Variants in PCDHGA11 observed in about 807,000 individuals in gnomAD.
PCDHGA11 encodes protocadherin gamma subfamily A, 11.
A neutral mutation model predicts 60.4 loss-of-function variants in PCDHGA11; 39 were observed. The ratio of observed to expected loss-of-function variants is 0.65; its 90% CI spans 0.50 to 0.84. The LOEUF is 0.84. Ranked by LOEUF, PCDHGA11 falls within the 40% of genes least tolerant of loss-of-function variation. PCDHGA11 has a pLI of 0.00. For missense variants in PCDHGA11, 1,165 were observed against 1,197.7 expected (o/e 0.97, Z 0.40); for synonymous variants, 533 against 510.3 (o/e 1.04, Z -0.60).
intron 1 of PCDHGA11, among the ~76,000 whole-genome samples, chr5:141,444,732 A>G (rs2098445644): frequency 6.6e-6 from 1 of 152,194 alleles, no homozygotes; most frequent in Admixed American, 6.6e-5. Context: ...CTTTGTTGAA[A>G]GTCATTTCAC....
intron 2 of PCDHGA11, among the ~76,000 whole-genome samples, chr5:141,500,774 A>G (rs1479931234): frequency 6.6e-6 from 1 of 152,188 alleles, no homozygotes; most frequent in Non-Finnish European, 1.5e-5. Context: ...TCTTATGAAT[A>G]TACATATTAT....
In PCDHGA11 at chr5:141,491,727, G is replaced by C; in HGVS notation, c.2434-3080G>C. On this transcript the variant is annotated intron_variant, in intron 1 of 3. Transcript: ENST00000398587. This position sits in a 1 kb window ranked among gnomAD's most constrained non-coding sequence, Gnocchi z 6.9. ...TGAGGGGCTCGGCGCCGCCCCGGGC[G>C]ACCCCTGGGGGCGGCACTGGAGAAG... 6.2e-7 allele frequency: 1 copy of C among 1,604,916 alleles called. No individual in the cohort carries two copies. The highest frequency in any genetic ancestry group is 8.5e-7 in the Non-Finnish European group (1 of 1,176,284).
intron 1 of PCDHGA11, among the ~76,000 whole-genome samples, chr5:141,460,407 TTG>T: frequency 6.6e-6 from 1 of 152,188 alleles, no homozygotes; most frequent in Non-Finnish European, 1.5e-5. Flanking sequence ...TCCTTTTGAG[TTG>T]ATGTTTATGT....
At chr5:141,507,442 C>T (rs748782097) in intron 3 of PCDHGA11, among the ~76,000 whole-genome samples, 1 of 152,162 alleles carries the variant, frequency 6.6e-6, no homozygotes, top group African/African-American at 2.4e-5. Flanking sequence ...CTACAGCTGA[C>T]GGAAGGACAG....
chr5:141,427,825 C>A (rs1342117815), intron 1 of PCDHGA11: 1 of 1,536,464 alleles, frequency 6.5e-7, no homozygotes, highest in Non-Finnish European at 8.9e-7. Flanking sequence ...GTGGTGGTCG[C>A]GCAGCGTGCC....
At chr5:141,505,275 AGGTCTTGGGCATGGGGTAG>A (rs1251192617) in intron 2 of PCDHGA11, 99 bp from the exon 3 acceptor site, 87 of 1,525,470 alleles carry the variant, frequency 5.7e-5, no homozygotes, top group Non-Finnish European at 2.0e-5. Context: ...TGAGAGAAAC[AGGTCTTGGGCATGGGGTAG>A]GGTTAGGGTA....
In PCDHGA11 at chr5:141,431,118, A is replaced by T. The variant is rs2097344347; in HGVS notation, c.2433+7458A>T. On this transcript the variant is annotated intron_variant, in intron 1 of 3. Coordinates refer to ENST00000398587, the MANE Select transcript of PCDHGA11 (RefSeq NM_018914.3). This position sits in a 1 kb window ranked among gnomAD's most constrained non-coding sequence, Gnocchi z 4.8. ...GATAAAGTGAAAATATATGGAGTAG[A>T]AGTAGAAGTAAGGGACATTAACGAC... is the stretch of plus-strand genomic sequence containing the variant. The T allele has an allele frequency of 6.2e-7, 1 of 1,614,182 alleles. No homozygotes were observed. Among genetic ancestry groups the T allele is most frequent in the African/African-American group, 1.3e-5 (1 of 75,070 alleles).
chr5:141,499,533 G>T (rs2099792525), intron 2 of PCDHGA11, among the ~76,000 whole-genome samples: 1 of 152,086 alleles, frequency 6.6e-6, no homozygotes, highest in African/African-American at 2.4e-5. Flanking sequence ...AGAGAGAATG[G>T]TGTCATGAAC....
At chr5:141,441,862 G>A (rs2098280399) in intron 1 of PCDHGA11, 3 of 342,456 alleles carry the variant, frequency 8.8e-6, no homozygotes, top group Non-Finnish European at 1.1e-5. Context: ...GCTGCACGCC[G>A]CGGAGCCTGG....
At chr5:141,475,979 C>A in intron 1 of PCDHGA11, 1 of 1,020,182 alleles carries the variant, frequency 9.8e-7, no homozygotes, top group Non-Finnish European at 1.4e-6. Flanking sequence ...GACTGAACAG[C>A]CGGCGAGCAA....
At chr5:141,460,961 ATGTGTG>A (rs35821115) in intron 1 of PCDHGA11, among the ~76,000 whole-genome samples, 6 of 144,616 alleles carry the variant, frequency 4.1e-5, no homozygotes, top group South Asian at 4.4e-4. Flanking sequence ...GTATATATAT[ATGTGTG>A]TGTGTGTGTG....
chr5:141,485,362 G>T lies in PCDHGA11; in HGVS notation c.2434-9445G>T. 6.2e-7 allele frequency: 1 copy of T among 1,614,144 alleles called. No individual in the cohort carries two copies. ...ATACGGACAGTCTGTCAGCTCGCAG[G>T]CTGCAGGTCGCTGGAGAGGTGAACC... is the stretch of plus-strand genomic sequence containing the variant. On this transcript the variant is annotated intron_variant, in intron 1 of 3. Coordinates refer to ENST00000398587, the MANE Select transcript of PCDHGA11 (RefSeq NM_018914.3). The surrounding 1 kb of genome is among the most constrained non-coding windows in gnomAD (Gnocchi z 5.7).
intron 3 of PCDHGA11, 88 bp from the exon 4 acceptor site, chr5:141,510,859 A>G: frequency 6.2e-7 from 1 of 1,606,096 alleles, no homozygotes; most frequent in Non-Finnish European, 8.5e-7. Context: ...GGTGCTGTAT[A>G]GGCATTCATT....
chr5:141,445,093 A>G (rs987863232), intron 1 of PCDHGA11, among the ~76,000 whole-genome samples: 2 of 152,168 alleles, frequency 1.3e-5, no homozygotes, highest in Non-Finnish European at 2.9e-5. Flanking sequence ...TACATATTTG[A>G]TGTTTTCTAA....
intron 2 of PCDHGA11, among the ~76,000 whole-genome samples, chr5:141,498,024 A>G (rs1455238086): frequency 6.6e-6 from 1 of 152,200 alleles, no homozygotes; most frequent in East Asian, 1.9e-4. Flanking sequence ...GGAGACAAAT[A>G]TTGACCAAAT....
chr5:141,470,379 A>G (rs1210709847), intron 1 of PCDHGA11, among the ~76,000 whole-genome samples: 1 of 152,086 alleles, frequency 6.6e-6, no homozygotes, highest in East Asian at 1.9e-4. Flanking sequence ...TGGAAAGACT[A>G]CTCGATGATA....
chr5:141,462,161 T>G (rs1592764918), intron 1 of PCDHGA11, among the ~76,000 whole-genome samples: 1 of 152,148 alleles, frequency 6.6e-6, no homozygotes, highest in Non-Finnish European at 1.5e-5. Flanking sequence ...GGTTTCATCA[T>G]GTTGGCCAGG....
rs754547223 is a variant in PCDHGA11 at position 141,511,148 on chromosome 5, AGTC to A, written c.2785_2787del (p.Ser929del). The A allele has an allele frequency of 7.4e-6, 12 of 1,614,202 alleles. No individual in the cohort carries two copies. The highest frequency in any genetic ancestry group is 1.0e-5 in the Non-Finnish European group (12 of 1,180,016). ...GCAGGTGGCAATGGCAACAAGAAGA[AGTC>A]GGGCAAGAAGGAGAAGAAGTAACAT... On this transcript the variant is annotated inframe_deletion, in exon 4 of 4. Coordinates refer to ENST00000398587, the MANE Select transcript of PCDHGA11 (RefSeq NM_018914.3).
intron 2 of PCDHGA11, among the ~76,000 whole-genome samples, chr5:141,505,113 G>A (rs1254889990): frequency 6.6e-6 from 1 of 152,178 alleles, no homozygotes; most frequent in East Asian, 1.9e-4. Context: ...AATGAGCCAA[G>A]ATCGCGCCAC....
Sources: gnomAD v4.1 joint callset for allele counts (sites outside exome capture counted in the v4.1 genomes callset) on GRCh38, gnomAD v4.1.1 for gene constraint, Gnocchi (gnomAD v3.1) non-coding constraint, MANE v1.5 for transcripts, NCBI Gene and HGNC (gene_info 2026-07-23, HGNC 2026-07-21) for gene names.